The following MAP6D1 variants were observed in gnomAD, a reference collection of about 807,000 sequenced individuals.
MAP6D1 encodes MAP6 domain containing 1.
In MAP6D1, 13 loss-of-function variants were observed where a neutral mutation model predicts 17.4. The observed-to-expected ratio is 0.75, with a 90% CI of 0.49 to 1.19. The LOEUF (loss-of-function observed/expected upper bound fraction) is 1.19, where lower values mean the gene tolerates loss of function less well. MAP6D1 is among the 50% of genes most tolerant of loss of function. The probability of loss-of-function intolerance (pLI) is 0.00; values close to 1 mark genes in which losing one functional copy is unlikely to be tolerated. For synonymous variants in MAP6D1, 141 were observed against 145.7 expected, an observed-to-expected ratio of 0.97 and a Z score of 0.23; for missense variants, 313 against 312.6, an observed-to-expected ratio of 1.00 and a Z score of -0.01.
intron 1 of MAP6D1, among the ~76,000 whole-genome samples, chr3:183,818,870 A>G (rs1727181895): frequency 6.6e-6 from 1 of 151,848 alleles, no homozygotes; most frequent in South Asian, 2.1e-4. Context: ...CGGGCCCTGG[A>G]GGGAGAGGAT....
chr3:183,825,147 C>T lies in MAP6D1; in HGVS notation c.401G>A (p.Arg134Lys). 6.9e-7 allele frequency: 1 copy of T among 1,449,106 alleles called. No individual in the cohort carries two copies. The highest frequency in any genetic ancestry group is 9.1e-7 in the Non-Finnish European group (1 of 1,098,412). 89.8% of individuals were successfully genotyped at this position (1,449,106 alleles called of 1,614,324 possible). A position where few individuals can be genotyped will look rare whatever the true frequency, so the allele number is the denominator to read the frequency against. The change falls in exon 1 of 3, where the codon AGA (arginine) becomes AAA (lysine). Residue 134 changes from arginine to lysine, a missense_variant and splice_region_variant. Transcript: ENST00000318631. The part of the protein sequence containing the change: ...DAAAAVTTSY[R>K]QEFQAWTGVK... ...GTTGCGGTCCCTACCCAGCCCATAC[C>T]TGTACGACGTGGTCACTGCTGCAGC... is the stretch of plus-strand genomic sequence containing the variant.
chr3:183,817,969 C>A, intron 2 of MAP6D1, 25 bp downstream of exon 2: 1 of 1,576,848 alleles, frequency 6.3e-7, no homozygotes, highest in South Asian at 1.1e-5. Context: ...TACCCACACC[C>A]CTGCTACACC....
chr3:183,819,321 C>G (rs999944746), intron 1 of MAP6D1, among the ~76,000 whole-genome samples: 2 of 152,220 alleles, frequency 1.3e-5, no homozygotes, highest in Admixed American at 1.3e-4. Flanking sequence ...ACCAGCTGCC[C>G]AAACCATATG....
intron 1 of MAP6D1, among the ~76,000 whole-genome samples, chr3:183,820,955 T>C (rs1261092106): frequency 1.1e-4 from 15 of 131,498 alleles, no homozygotes; most frequent in South Asian, 2.5e-4. Flanking sequence ...ATTAGCTGGG[T>C]GTGGTGGTGG....
chr3:183,823,368 G>T (rs1184901577), intron 1 of MAP6D1, among the ~76,000 whole-genome samples: 1 of 151,996 alleles, frequency 6.6e-6, no homozygotes, highest in African/African-American at 2.4e-5. Context: ...TTGGGAGGCC[G>T]AGGCAGGCGG....
chr3:183,820,391 T>C (rs778064522), intron 1 of MAP6D1: 3 of 152,222 alleles, frequency 2.0e-5, no homozygotes, highest in Non-Finnish European at 4.4e-5. Flanking sequence ...AGTGATCCTG[T>C]GTTTCTGCCC....
chr3:183,825,358 C>A lies in MAP6D1; in HGVS notation c.190G>T (p.Val64Leu). The A allele has an allele frequency of 6.9e-7, 1 of 1,440,054 alleles. No individual in the cohort carries two copies. Among genetic ancestry groups the A allele is most frequent in the Non-Finnish European group, 9.1e-7 (1 of 1,097,838 alleles). The allele number at this position is 1,440,054 out of a possible 1,614,324, so 89.2% of individuals were successfully genotyped here. A position where few individuals can be genotyped will look rare whatever the true frequency, so the allele number is the denominator to read the frequency against. The change falls in exon 1 of 3, where the codon GTG becomes TTG. Residue 64 changes from valine (V) to leucine (L), a missense_variant. Val to Leu is a conservative substitution (Grantham distance 32, BLOSUM62 1). Transcript: ENST00000318631. ...TCCCGCTGGTACTGAGTGAGCGGCA[C>A]GTCCCGGCCGGAATCCCGGGCGCCC... is the stretch of plus-strand genomic sequence containing the variant. ...PAGARDSGRD[V>L]PLTQYQRDFG...
At chr3:183,824,932 G>A (rs1428565106) in intron 1 of MAP6D1, among the ~76,000 whole-genome samples, 1 of 152,246 alleles carries the variant, frequency 6.6e-6, no homozygotes, top group African/African-American at 2.4e-5. Context: ...GGGTGCTCGA[G>A]CACTGAGTCC....
intron 1 of MAP6D1, among the ~76,000 whole-genome samples, chr3:183,823,566 T>A (rs1727306813): frequency 6.6e-6 from 1 of 151,044 alleles, no homozygotes; most frequent in Non-Finnish European, 1.5e-5. Flanking sequence ...GCGCCACTGC[T>A]CTCCAGCCTG....
At chr3:183,818,465 G>T (rs956927518) in intron 1 of MAP6D1, among the ~76,000 whole-genome samples, 1 of 152,184 alleles carries the variant, frequency 6.6e-6, no homozygotes, top group Non-Finnish European at 1.5e-5. Flanking sequence ...CATTCAGAAC[G>T]CAACAGCACC....
chr3:183,817,374 G>T lies in MAP6D1; in HGVS notation c.582C>A (p.Pro194=). The change falls in exon 3 of 3, where the codon CCC becomes CCA. Residue 194 remains proline (P), a synonymous_variant. Coordinates refer to ENST00000318631, the MANE Select transcript of MAP6D1 (RefSeq NM_024871.4). ...CAGGCAGTCACACGTTGAGAATCCGGGGAGCTGAGGCCTGAAAGATGGCGG... is the reference window on the plus strand; with the variant it reads ...CAGGCAGTCACACGTTGAGAATCCGTGGAGCTGAGGCCTGAAAGATGGCGG... ...NPSAIFQASA[P]RILNV The T allele has an allele frequency of 1.3e-6, 2 of 1,569,486 alleles. No homozygotes were observed. The highest frequency in any genetic ancestry group is 4.7e-5 in the East Asian group (2 of 42,914).
chr3:183,821,608 C>G (rs1727260504), intron 1 of MAP6D1, among the ~76,000 whole-genome samples: 1 of 136,738 alleles, frequency 7.3e-6, no homozygotes, highest in African/African-American at 2.8e-5. Context: ...TGCAGTGGCT[C>G]TATCTCGGCT....
intron 1 of MAP6D1, among the ~76,000 whole-genome samples, chr3:183,822,287 ACACAC>A (rs1259254546): frequency 2.0e-4 from 27 of 133,410 alleles, no homozygotes; most frequent in Non-Finnish European, 2.6e-4. Flanking sequence ...ACACACACAC[ACACAC>A]AAAACCCCAC....
chr3:183,817,513 G>T, intron 2 of MAP6D1, 77 bp from the exon 3 acceptor site: 1 of 1,325,946 alleles, frequency 7.5e-7, no homozygotes. Flanking sequence ...CCAGCTCCAG[G>T]AAAAAATCCC....
In MAP6D1 at chr3:183,820,901, C is replaced by T. The variant is rs1344095634; in HGVS notation, c.402-2790G>A. Among the ~76,000 whole-genome samples the T allele has an allele frequency of 8.1e-5, 12 of 147,986 alleles. No individual in the cohort carries two copies. In the East Asian group the frequency reaches 2.4e-3, roughly 29 times the overall value. Reference sequence around the variant, plus strand: ...CAGCTTGGGCAACAAAGCAAGACTCCATCTCAAATAAATAAATAAATAATA... The same window carrying T: ...CAGCTTGGGCAACAAAGCAAGACTCTATCTCAAATAAATAAATAAATAATA... On this transcript the variant is annotated intron_variant, in intron 1 of 2. Coordinates refer to ENST00000318631, the MANE Select transcript of MAP6D1 (RefSeq NM_024871.4).
intron 1 of MAP6D1, among the ~76,000 whole-genome samples, chr3:183,822,655 G>T (rs1727286971): frequency 6.6e-6 from 1 of 152,352 alleles, no homozygotes; most frequent in East Asian, 1.9e-4. Flanking sequence ...CTCGCTGGGG[G>T]ACAGTGGTTG....
chr3:183,819,460 G>T lies in MAP6D1; in HGVS notation c.402-1349C>A, dbSNP rs192731926. Reference sequence around the variant, plus strand: ...CCCGCTGCCCTGAGGTGGCTGCAGGGGTCTCAGAGCAGGAAGCCACCAGAG... The same window carrying T: ...CCCGCTGCCCTGAGGTGGCTGCAGGTGTCTCAGAGCAGGAAGCCACCAGAG... On this transcript the variant is annotated intron_variant, in intron 1 of 2. Coordinates refer to ENST00000318631, the MANE Select transcript of MAP6D1 (RefSeq NM_024871.4). Among the ~76,000 whole-genome samples, 1,291 of 152,310 alleles carry T rather than the reference G, an allele frequency of 8.5e-3. 1 individual carries two copies. The highest frequency in any genetic ancestry group is 0.011 in the Non-Finnish European group (740 of 68,018).
intron 2 of MAP6D1, among the ~76,000 whole-genome samples, chr3:183,817,743 G>T (rs780843038): frequency 8.5e-5 from 13 of 152,252 alleles, no homozygotes; most frequent in Non-Finnish European, 1.0e-4. Flanking sequence ...AGTCACTAGC[G>T]TTCAGTGGCC....
In MAP6D1 at chr3:183,818,575, G is replaced by A. The variant is rs534465171; in HGVS notation, c.402-464C>T. Reference sequence around the variant, plus strand: ...CCTCCAGAGCCAGGCTGCTTCAAGAGACCCAGGTCATGGTGACTGCTTATG... The same window carrying A: ...CCTCCAGAGCCAGGCTGCTTCAAGAAACCCAGGTCATGGTGACTGCTTATG... On this transcript the variant is annotated intron_variant, in intron 1 of 2. Transcript: ENST00000318631. Among the ~76,000 whole-genome samples, 63 of 152,336 alleles carry A rather than the reference G, an allele frequency of 4.1e-4. No individual in the cohort carries two copies. In the East Asian group the frequency reaches 0.012, roughly 28 times the overall value.
Sources: allele counts gnomAD v4.1 joint callset (sites outside exome capture counted in the v4.1 genomes callset), GRCh38; gene constraint gnomAD v4.1.1; transcripts MANE v1.5; gene names NCBI Gene and HGNC (gene_info 2026-07-23, HGNC 2026-07-21).